The following KATNA1 variants were observed in gnomAD, a reference collection of about 807,000 sequenced individuals.
KATNA1 encodes the protein katanin p60 ATPase-containing subunit A1.
A neutral mutation model predicts 62.6 loss-of-function variants in KATNA1; 42 were observed. The observed-to-expected ratio is 0.67, with a 90% CI of 0.52 to 0.87. KATNA1 has a LOEUF of 0.87. Among genes scored for constraint, KATNA1 ranks in the 40% least tolerant of loss-of-function variants. KATNA1 has a pLI of 0.00. For missense variants in KATNA1, 498 were observed against 612.5 expected (o/e 0.81, Z 1.97); for synonymous variants, 186 against 201.9 (o/e 0.92, Z 0.67).
intron 3 of KATNA1, among the ~76,000 whole-genome samples, chr6:149,630,225 A>T (rs918125086): frequency 2.6e-5 from 4 of 152,254 alleles, no homozygotes; most frequent in Admixed American, 6.5e-5. Context: ...CAAGAAATGT[A>T]ATTATGTGAA....
At position 149,604,738 on chromosome 6, in the gene KATNA1, A is replaced by T; in HGVS notation, c.546T>A (p.Phe182Leu). ...AAVTEPETNK[F>L]DSTGYDKDLV... ...AGTCTTTATCATATCCGGTACTATC[A>T]AATTTATTTGTCTCTGGTTCTGTTA... The change falls in exon 5 of 11, where the codon TTT becomes TTA. Residue 182 changes from phenylalanine to leucine, a missense_variant. Phe to Leu is a conservative substitution (Grantham distance 22). This residue lies in a region of KATNA1 where 203 missense variants were observed against 198.4 expected (regional missense o/e 1.02). Coordinates refer to ENST00000367411, the MANE Select transcript of KATNA1 (RefSeq NM_007044.4). 6.2e-7 allele frequency: 1 copy of T among 1,613,162 alleles called. No homozygotes were observed. The highest frequency in any genetic ancestry group is 8.5e-7 in the Non-Finnish European group (1 of 1,179,110).
chr6:149,600,194 TAAAAAAAAAAAAAAAA>T (rs67468519), intron 7 of KATNA1, among the ~76,000 whole-genome samples: 1 of 67,994 alleles, frequency 1.5e-5, no homozygotes, highest in African/African-American at 6.2e-5. Context: ...GAGCTTATCT[TAAAAAAAAAAAAAAAA>T]AAAAAAAAAA....
intron 2 of KATNA1, among the ~76,000 whole-genome samples, chr6:149,634,410 G>C (rs1779990253): frequency 6.6e-6 from 1 of 152,068 alleles, no homozygotes; most frequent in African/African-American, 2.4e-5. Context: ...CTGTAGTCCT[G>C]CCTACTTTAG....
Position 149,601,299 on chromosome 6 carries a change from A to C in KATNA1, c.888+295T>G, listed in dbSNP as rs1582753312. 2.0e-5 allele frequency among the ~76,000 whole-genome samples: 3 copies of C among 152,194 alleles called. No individual in the cohort carries two copies. In the East Asian group the frequency reaches 5.8e-4, roughly 29 times the overall value. On this transcript the variant is annotated intron_variant, in intron 7 of 10. Coordinates refer to ENST00000367411, the MANE Select transcript of KATNA1 (RefSeq NM_007044.4). Reference sequence around the variant, plus strand: ...ACTGTGGTTATCATATTATAACTAAACCTATTGATTTAAAAAACATAATTT... The same window carrying C: ...ACTGTGGTTATCATATTATAACTAACCCTATTGATTTAAAAAACATAATTT...
intron 1 of KATNA1, among the ~76,000 whole-genome samples, chr6:149,640,940 G>A (rs970370915): frequency 2.0e-5 from 3 of 151,924 alleles, no homozygotes; most frequent in Admixed American, 6.6e-5. Context: ...GTGCAATCTC[G>A]GCTCACCACA....
intron 3 of KATNA1, among the ~76,000 whole-genome samples, chr6:149,626,606 TACATATA>T (rs1436911012): frequency 2.0e-5 from 3 of 151,792 alleles, no homozygotes; most frequent in Non-Finnish European, 4.4e-5. Flanking sequence ...CATACAATGT[TACATATA>T]ACATTGTATT....
intron 1 of KATNA1, among the ~76,000 whole-genome samples, chr6:149,647,326 A>G (rs547147588): frequency 6.6e-6 from 1 of 152,130 alleles, no homozygotes; most frequent in Admixed American, 6.5e-5. Context: ...AATCGAGACC[A>G]GCCTGGCCAA....
chr6:149,597,692 C>G (rs781154025), intron 8 of KATNA1, 51 bp from the exon 9 acceptor site: 1 of 1,531,930 alleles, frequency 6.5e-7, no homozygotes, highest in Non-Finnish European at 9.0e-7. Flanking sequence ...TGGATTATAC[C>G]AAATGAAGCT....
chr6:149,598,158 C>T (rs1778398862), intron 8 of KATNA1, 66 bp downstream of exon 8: 1 of 1,572,628 alleles, frequency 6.4e-7, no homozygotes, highest in African/African-American at 1.4e-5. Flanking sequence ...GTTTGACCCA[C>T]TGGAACTGGA....
chr6:149,631,249 A>G (rs1779823116), intron 3 of KATNA1, among the ~76,000 whole-genome samples: 1 of 152,078 alleles, frequency 6.6e-6, no homozygotes, highest in South Asian at 2.1e-4. Context: ...AATACAAAAA[A>G]TTAGCTGGGC....
At chr6:149,618,048 GGC>G in intron 4 of KATNA1, among the ~76,000 whole-genome samples, 1 of 148,362 alleles carries the variant, frequency 6.7e-6, no homozygotes, top group South Asian at 2.1e-4. Context: ...CCAGCTACTC[GGC>G]AGGCTGAGGC....
At chr6:149,619,370 T>C (rs1779306770) in intron 4 of KATNA1, among the ~76,000 whole-genome samples, 1 of 152,112 alleles carries the variant, frequency 6.6e-6, no homozygotes, top group African/African-American at 2.4e-5. Context: ...CACAGCACTC[T>C]GGGAGGCTGA....
chr6:149,611,462 CAAAAAAAA>C (rs1179618459), intron 4 of KATNA1, among the ~76,000 whole-genome samples: 108 of 34,830 alleles, frequency 3.1e-3, no homozygotes, highest in African/African-American at 6.9e-3. Context: ...AACTCTGTCT[CAAAAAAAA>C]AAAAAAAAAG....
chr6:149,604,849 G>T, intron 4 of KATNA1, 67 bp from the exon 5 acceptor site: 3 of 1,489,226 alleles, frequency 2.0e-6, no homozygotes, highest in Non-Finnish European at 1.9e-6. Context: ...CGGAAACACA[G>T]ATTGGACTCA....
chr6:149,636,351 C>G (rs372391845), intron 2 of KATNA1, among the ~76,000 whole-genome samples: 5 of 151,948 alleles, frequency 3.3e-5, no homozygotes, highest in South Asian at 4.2e-4. Context: ...CCAAGAGGAT[C>G]ATTTGATCCC....
chr6:149,596,508 C>G (rs1778316153), intron 10 of KATNA1, among the ~76,000 whole-genome samples: 1 of 152,152 alleles, frequency 6.6e-6, no homozygotes, highest in Non-Finnish European at 1.5e-5. Context: ...GCACTTCAGC[C>G]TGGGTGACAG....
chr6:149,603,740 A>G (rs1393855819), intron 5 of KATNA1, among the ~76,000 whole-genome samples: 1 of 152,214 alleles, frequency 6.6e-6, no homozygotes, highest in Non-Finnish European at 1.5e-5. Flanking sequence ...ACTAAAAAAA[A>G]GCATAAAGAA....
In KATNA1 at chr6:149,601,772, C is replaced by T. The variant is rs1202950092; in HGVS notation, c.730-20G>A. The T allele has an allele frequency of 3.3e-6, 5 of 1,527,530 alleles. No individual in the cohort carries two copies. The East Asian group carries it at 9.4e-5, about 29-fold the overall frequency. 94.6% of individuals were successfully genotyped at this position (1,527,530 alleles called of 1,614,324 possible). A position where few individuals can be genotyped will look rare whatever the true frequency, so the allele number is the denominator to read the frequency against. ...TACTCCCTGTTGCGAATATAATAGCCTCAGCAGAGGATTTATCTGCCATTG... is the reference window on the plus strand; with the variant it reads ...TACTCCCTGTTGCGAATATAATAGCTTCAGCAGAGGATTTATCTGCCATTG... On this transcript the variant is annotated intron_variant, in intron 6 of 10. Coordinates refer to ENST00000367411, the MANE Select transcript of KATNA1 (RefSeq NM_007044.4).
At chr6:149,641,667 A>G (rs1780297667) in intron 1 of KATNA1, among the ~76,000 whole-genome samples, 1 of 152,204 alleles carries the variant, frequency 6.6e-6, no homozygotes, top group Non-Finnish European at 1.5e-5. Flanking sequence ...CCTACAATGC[A>G]TCAAGACACA....
Sources: allele counts gnomAD v4.1 joint callset (sites outside exome capture counted in the v4.1 genomes callset), GRCh38; gene constraint gnomAD v4.1.1; regional missense constraint gnomAD v4.1.1; transcripts MANE v1.5; gene names NCBI Gene and HGNC (gene_info 2026-07-23, HGNC 2026-07-21).